KCND2: variants seen among roughly 807,000 people sequenced by gnomAD.
KCND2 encodes the protein potassium voltage-gated channel subfamily D member 2.
KCND2 carries 16 observed loss-of-function variants against 54.4 expected under a neutral mutation model. That is an observed-to-expected ratio of 0.29 (90% CI 0.20 to 0.45). The LOEUF (loss-of-function observed/expected upper bound fraction) is 0.45. KCND2 is among the 20% of genes least tolerant of loss of function. KCND2 has a pLI of 1.00. For missense variants in KCND2, 486 were observed against 824.2 expected (o/e 0.59, Z 5.02); for synonymous variants, 317 against 310.7 (o/e 1.02, Z -0.21).
At chr7:120,693,121 A>T (rs897312627) in intron 1 of KCND2, among the ~76,000 whole-genome samples, 2 of 152,190 alleles carry the variant, frequency 1.3e-5, no homozygotes, top group Non-Finnish European at 2.9e-5. Flanking sequence ...ATTTCAAAGT[A>T]CAGGAGTACC....
At chr7:120,525,831 T>A (rs771984230) in intron 1 of KCND2, among the ~76,000 whole-genome samples, 25 of 152,192 alleles carry the variant, frequency 1.6e-4, no homozygotes, top group Non-Finnish European at 2.8e-4. Context: ...TGAGACTTCT[T>A]ATGTTTGTTT....
chr7:120,488,554 A>G (rs955438701), intron 1 of KCND2, among the ~76,000 whole-genome samples: 1 of 152,160 alleles, frequency 6.6e-6, no homozygotes, highest in Non-Finnish European at 1.5e-5. Flanking sequence ...GTACAGCTCT[A>G]TGAATTTTGC....
chr7:120,342,055 A>G (rs780823892), intron 1 of KCND2, among the ~76,000 whole-genome samples: 5 of 152,148 alleles, frequency 3.3e-5, no homozygotes, highest in Non-Finnish European at 7.4e-5. Context: ...AATGAAATCT[A>G]TTTGACTCAT....
intron 1 of KCND2, among the ~76,000 whole-genome samples, chr7:120,547,491 C>T (rs1792055393): frequency 6.6e-6 from 1 of 151,914 alleles, no homozygotes; most frequent in Admixed American, 6.6e-5. Context: ...CAAGCAGAAA[C>T]TCATAGATAT....
intron 1 of KCND2, among the ~76,000 whole-genome samples, chr7:120,351,238 A>G (rs965971766): frequency 6.2e-5 from 4 of 64,580 alleles, no homozygotes; most frequent in Admixed American, 1.9e-4. Context: ...ATATATTTAT[A>G]TGTGTGTATA....
intron 1 of KCND2, among the ~76,000 whole-genome samples, chr7:120,572,281 A>C (rs1019622517): frequency 1.3e-5 from 2 of 152,152 alleles, no homozygotes; most frequent in Non-Finnish European, 2.9e-5. Flanking sequence ...ATGTGAAAGA[A>C]GTGAATGTGT....
intron 1 of KCND2, among the ~76,000 whole-genome samples, chr7:120,699,032 G>GT (rs1254633479): frequency 1.3e-5 from 2 of 152,256 alleles, no homozygotes; most frequent in African/African-American, 4.8e-5. Context: ...TGTAATCCCA[G>GT]CACTTTGGGA....
chr7:120,609,979 A>G lies in KCND2; in HGVS notation c.1116-122924A>G, dbSNP rs111827715. Among the ~76,000 whole-genome samples, 1,115 of 152,278 alleles carry G rather than the reference A, an allele frequency of 7.3e-3. 15 individuals carry two copies. The highest frequency in any genetic ancestry group is 0.025 in the African/African-American group (1,056 of 41,572). Reference sequence around the variant, plus strand: ...GCAGAAATACTGAGTGTTTGGACATACAATGCTATTTTTCGATAATTTGGA... The same window carrying G: ...GCAGAAATACTGAGTGTTTGGACATGCAATGCTATTTTTCGATAATTTGGA... On this transcript the variant is annotated intron_variant, in intron 1 of 5. Coordinates refer to ENST00000331113, the MANE Select transcript of KCND2 (RefSeq NM_012281.3).
chr7:120,323,444 C>G (rs1799924465), intron 1 of KCND2, among the ~76,000 whole-genome samples: 1 of 151,082 alleles, frequency 6.6e-6, no homozygotes, highest in Non-Finnish European at 1.5e-5. Flanking sequence ...GCTATCCCTC[C>G]CCACTCCCCC....
At position 120,474,614 on chromosome 7, in the gene KCND2, T is replaced by A. The variant is rs187482604; in HGVS notation, c.1115+198867T>A. Among the ~76,000 whole-genome samples, 243 of 151,932 alleles carry A rather than the reference T, an allele frequency of 1.6e-3. 1 individual carries two copies. Among genetic ancestry groups the A allele is most frequent in the Non-Finnish European group, 2.0e-3 (134 of 67,968 alleles). On this transcript the variant is annotated intron_variant, in intron 1 of 5. Coordinates refer to ENST00000331113, the MANE Select transcript of KCND2 (RefSeq NM_012281.3). Reference sequence around the variant, plus strand: ...CCTGACCTCAGGTTATCCACCTGCCTCAGCCTCCCAAAGTGCTGGGATTAC... The same window carrying A: ...CCTGACCTCAGGTTATCCACCTGCCACAGCCTCCCAAAGTGCTGGGATTAC...
chr7:120,397,444 A>T (rs566150512), intron 1 of KCND2, among the ~76,000 whole-genome samples: 4 of 152,016 alleles, frequency 2.6e-5, no homozygotes, highest in Non-Finnish European at 5.9e-5. Flanking sequence ...AGAAATCATA[A>T]GGATTGTTTC....
chr7:120,286,556 G>T (rs1220291536), intron 1 of KCND2, among the ~76,000 whole-genome samples: 1 of 151,802 alleles, frequency 6.6e-6, no homozygotes, highest in African/African-American at 2.4e-5. Context: ...GTACATATTT[G>T]CCTTGCATTA....
In KCND2 at chr7:120,662,130, A is replaced by T. The variant is rs547774297; in HGVS notation, c.1116-70773A>T. Among the ~76,000 whole-genome samples, 12 of 152,328 alleles carry T rather than the reference A, an allele frequency of 7.9e-5. No individual in the cohort carries two copies. The East Asian group carries it at 2.1e-3, about 27-fold the overall frequency. ...AAATCTGTGTGCTTTTCACCTGTTAATCTTAGATCTGTTTAATTTTTAGGC... is the reference window on the plus strand; with the variant it reads ...AAATCTGTGTGCTTTTCACCTGTTATTCTTAGATCTGTTTAATTTTTAGGC... On this transcript the variant is annotated intron_variant, in intron 1 of 5. Transcript: ENST00000331113.
intron 1 of KCND2, among the ~76,000 whole-genome samples, chr7:120,315,489 G>T (rs1199046379): frequency 1.3e-5 from 2 of 152,008 alleles, no homozygotes; most frequent in Non-Finnish European, 2.9e-5. Flanking sequence ...AAGGGCTAAG[G>T]ATCAGAATGA....
In KCND2 at chr7:120,707,739, G is replaced by T. The variant is rs369118527; in HGVS notation, c.1116-25164G>T. Among the ~76,000 whole-genome samples, 174 of 152,138 alleles carry T rather than the reference G, an allele frequency of 1.1e-3. 3 individuals carry two copies. In the South Asian group the frequency reaches 0.035, roughly 30 times the overall value. ...ATGCTGTTGAGGGATGACAAGCAAG[G>T]CTGAAGTAGAGGGACATTGTTTCTG... On this transcript the variant is annotated intron_variant, in intron 1 of 5. Coordinates refer to ENST00000331113, the MANE Select transcript of KCND2 (RefSeq NM_012281.3).
At chr7:120,598,207 A>G (rs913213322) in intron 1 of KCND2, among the ~76,000 whole-genome samples, 2 of 152,166 alleles carry the variant, frequency 1.3e-5, no homozygotes, top group Admixed American at 1.3e-4. Context: ...TTAAAATTTA[A>G]TATCATTTAT....
intron 1 of KCND2, among the ~76,000 whole-genome samples, chr7:120,511,724 A>G (rs1449915601): frequency 1.3e-5 from 2 of 152,096 alleles, no homozygotes; most frequent in African/African-American, 2.4e-5. Flanking sequence ...CTTGACTGTA[A>G]TTTGAGGATA....
At chr7:120,670,911 G>A (rs1353834407) in intron 1 of KCND2, among the ~76,000 whole-genome samples, 10 of 137,076 alleles carry the variant, frequency 7.3e-5, no homozygotes, top group African/African-American at 2.4e-4. Context: ...GCCAGGCTCC[G>A]TCTCAAAAAA....
At chr7:120,315,580 T>C (rs1035270956) in intron 1 of KCND2, among the ~76,000 whole-genome samples, 2 of 152,136 alleles carry the variant, frequency 1.3e-5, no homozygotes, top group East Asian at 3.9e-4. Flanking sequence ...GTAGTGCCTA[T>C]GAAATTTTCA....
Sources: allele counts gnomAD v4.1 joint callset (sites outside exome capture counted in the v4.1 genomes callset), GRCh38; gene constraint gnomAD v4.1.1; transcripts MANE v1.5; gene names NCBI Gene and HGNC (gene_info 2026-07-23, HGNC 2026-07-21).